EXOC4: variants seen among roughly 807,000 people sequenced by gnomAD.
EXOC4 encodes the protein SEC8-like 1.
EXOC4 carries 71 observed loss-of-function variants against 107.2 expected under a neutral mutation model. The ratio of observed to expected loss-of-function variants is 0.66; its 90% CI spans 0.55 to 0.81. The LOEUF (loss-of-function observed/expected upper bound fraction) is 0.81, where lower values mean the gene tolerates loss of function less well. Ranked by LOEUF, EXOC4 falls within the 30% of genes least tolerant of loss-of-function variation. The pLI, the probability that EXOC4 is intolerant of heterozygous loss-of-function variation, is 0.00. For synonymous variants in EXOC4, 456 were observed against 441.2 expected, an observed-to-expected ratio of 1.03 and a Z score of -0.42; for missense variants, 1,108 against 1,189.6, an observed-to-expected ratio of 0.93 and a Z score of 1.01.
At chr7:133,971,930 C>T (rs1801249859) in intron 14 of EXOC4, among the ~76,000 whole-genome samples, 1 of 152,182 alleles carries the variant, frequency 6.6e-6, no homozygotes, top group Non-Finnish European at 1.5e-5. Flanking sequence ...TGGGGCATCC[C>T]TCCTCACTTC....
chr7:133,870,373 T>G, intron 11 of EXOC4, among the ~76,000 whole-genome samples: 1 of 152,200 alleles, frequency 6.6e-6, no homozygotes, highest in East Asian at 1.9e-4. Context: ...CGTGCTTGAT[T>G]CTGGGGAAAA....
intron 1 of EXOC4, among the ~76,000 whole-genome samples, chr7:133,262,000 A>G (rs1795164021): frequency 6.6e-6 from 1 of 152,034 alleles, no homozygotes; most frequent in Non-Finnish European, 1.5e-5. Context: ...CATCTCCATT[A>G]CTGCCCTGCA....
intron 10 of EXOC4, among the ~76,000 whole-genome samples, chr7:133,642,995 A>G (rs1397770362): frequency 1.3e-5 from 2 of 152,066 alleles, no homozygotes; most frequent in African/African-American, 4.8e-5. Flanking sequence ...GCTCTTACTC[A>G]CCCTTACATA....
In EXOC4 at chr7:133,258,896, A is replaced by C. The variant is rs545188385; in HGVS notation, c.86+5709A>C. Reference sequence around the variant, plus strand: ...ACATGTAAAATATAAACACACATAAAATATAAAACATTTATTAGATTAAAA... The same window carrying C: ...ACATGTAAAATATAAACACACATAACATATAAAACATTTATTAGATTAAAA... On this transcript the variant is annotated intron_variant, in intron 1 of 17. Coordinates refer to ENST00000253861, the MANE Select transcript of EXOC4 (RefSeq NM_021807.4). Among the ~76,000 whole-genome samples, 13 of 152,338 alleles carry C rather than the reference A, an allele frequency of 8.5e-5. No individual in the cohort carries two copies. In the South Asian group the frequency reaches 2.7e-3, roughly 32 times the overall value.
chr7:133,623,246 C>CTT (rs1305563782), intron 9 of EXOC4, among the ~76,000 whole-genome samples: 1 of 152,052 alleles, frequency 6.6e-6, no homozygotes, highest in African/African-American at 2.4e-5. Flanking sequence ...ATTGACAAGA[C>CTT]GTTTACTTGT....
At position 134,021,170 on chromosome 7, in the gene EXOC4, T is replaced by C. The variant is rs541269098; in HGVS notation, c.2687+13335T>C. ...GCTATCTAAGAGGAAACAAATTAGC[T>C]CCCATCCAATTCCATAAAGATACTG... is the stretch of plus-strand genomic sequence containing the variant. On this transcript the variant is annotated intron_variant, in intron 17 of 17. Coordinates refer to ENST00000253861, the MANE Select transcript of EXOC4 (RefSeq NM_021807.4). 1.6e-4 allele frequency among the ~76,000 whole-genome samples: 25 copies of C among 152,194 alleles called. 1 individual carries two copies. In the South Asian group the frequency reaches 5.2e-3, roughly 32 times the overall value.
intron 11 of EXOC4, among the ~76,000 whole-genome samples, chr7:133,873,321 A>G (rs1798787352): frequency 6.6e-6 from 1 of 152,222 alleles, no homozygotes; most frequent in Non-Finnish European, 1.5e-5. Context: ...TTTTCGGCAT[A>G]TGTCTCATCA....
At chr7:133,667,190 G>A (rs1336744977) in intron 10 of EXOC4, among the ~76,000 whole-genome samples, 4 of 152,164 alleles carry the variant, frequency 2.6e-5, no homozygotes, top group South Asian at 2.1e-4. Flanking sequence ...CTAAGTAATC[G>A]AGGAGAGTGT....
intron 17 of EXOC4, among the ~76,000 whole-genome samples, chr7:134,062,825 G>A (rs1267871797): frequency 6.6e-6 from 1 of 152,162 alleles, no homozygotes; most frequent in Non-Finnish European, 1.5e-5. Context: ...TCCCCTTCCT[G>A]ACTCCCACCT....
At chr7:133,997,922 C>T (rs1794436104) in intron 15 of EXOC4, among the ~76,000 whole-genome samples, 1 of 152,090 alleles carries the variant, frequency 6.6e-6, no homozygotes, top group African/African-American at 2.4e-5. Flanking sequence ...CTTTACAAAC[C>T]ACAGTTTCCT....
chr7:133,489,689 G>C (rs1188022720), intron 9 of EXOC4, among the ~76,000 whole-genome samples: 1 of 152,090 alleles, frequency 6.6e-6, no homozygotes, highest in Non-Finnish European at 1.5e-5. Flanking sequence ...TGTTAATCCT[G>C]TATAGGTTTA....
chr7:134,021,326 G>C (rs963783411), intron 17 of EXOC4, among the ~76,000 whole-genome samples: 2 of 152,180 alleles, frequency 1.3e-5, no homozygotes, highest in African/African-American at 4.8e-5. Context: ...TCATAGTCAA[G>C]ATCGTGCTTA....
At chr7:133,392,680 G>T (rs555540153) in intron 7 of EXOC4, among the ~76,000 whole-genome samples, 1 of 152,296 alleles carries the variant, frequency 6.6e-6, no homozygotes, top group Admixed American at 6.5e-5. Flanking sequence ...ATGGGAAAGG[G>T]CTACTGGAGA....
chr7:133,881,862 TAC>T (rs1421073694), intron 11 of EXOC4, among the ~76,000 whole-genome samples: 4 of 152,188 alleles, frequency 2.6e-5, no homozygotes, highest in African/African-American at 9.7e-5. Flanking sequence ...AGAATAGCAA[TAC>T]ATCTAAGGAT....
chr7:133,652,785 C>CTCA (rs1466553503), intron 10 of EXOC4, among the ~76,000 whole-genome samples: 1 of 152,160 alleles, frequency 6.6e-6, no homozygotes, highest in African/African-American at 2.4e-5. Flanking sequence ...ATTCCAAACT[C>CTCA]TCATCATCAT....
chr7:133,571,486 C>T (rs962310947), intron 9 of EXOC4, among the ~76,000 whole-genome samples: 1 of 151,982 alleles, frequency 6.6e-6, no homozygotes, highest in African/African-American at 2.4e-5. Flanking sequence ...ACCATCCTGG[C>T]CAACATGGTG....
At chr7:133,464,824 T>G (rs1195850018) in intron 7 of EXOC4, among the ~76,000 whole-genome samples, 2 of 124,494 alleles carry the variant, frequency 1.6e-5, no homozygotes, top group African/African-American at 3.0e-5. Context: ...TTTTTTTTTT[T>G]TTTTTTTTTT....
rs185442468 is a variant in EXOC4 at position 133,714,434 on chromosome 7, G to C, written c.1514+84293G>C. 7.2e-5 allele frequency among the ~76,000 whole-genome samples: 11 copies of C among 152,320 alleles called. No individual in the cohort carries two copies. The East Asian group carries it at 2.1e-3, about 29-fold the overall frequency. On this transcript the variant is annotated intron_variant, in intron 10 of 17. Coordinates refer to ENST00000253861, the MANE Select transcript of EXOC4 (RefSeq NM_021807.4). The stretch of plus-strand genomic sequence containing the variant: ...TGAGAACAAAGCCTCTAGTGGTGTA[G>C]TGACTTGCCTAAGACTCAGCCAGGA...
At chr7:133,512,563 A>G (rs987769903) in intron 9 of EXOC4, among the ~76,000 whole-genome samples, 1 of 152,152 alleles carries the variant, frequency 6.6e-6, no homozygotes, top group African/African-American at 2.4e-5. Flanking sequence ...TGCCAAACAT[A>G]GGGAAGATAG....
Sources: gnomAD v4.1 joint callset for allele counts (sites outside exome capture counted in the v4.1 genomes callset) on GRCh38, gnomAD v4.1.1 for gene constraint, MANE v1.5 for transcripts, NCBI Gene and HGNC (gene_info 2026-07-23, HGNC 2026-07-21) for gene names.